CCDC47: variants seen among roughly 807,000 people sequenced by gnomAD.
The protein encoded by CCDC47 is PAT complex subunit CCDC47.
Under a neutral mutation model 60.5 loss-of-function variants are expected in CCDC47, and 41 were observed. The observed-to-expected ratio is 0.68, with a 90% CI of 0.53 to 0.88. The LOEUF (loss-of-function observed/expected upper bound fraction) is 0.88. CCDC47 is among the 40% of genes least tolerant of loss of function. The probability of loss-of-function intolerance (pLI) is 0.00; values close to 1 mark genes in which losing one functional copy is unlikely to be tolerated. For synonymous variants in CCDC47, 195 were observed against 190.7 expected (o/e 1.02, Z -0.18); for missense variants, 513 against 580.9 (o/e 0.88, Z 1.20).
intron 4 of CCDC47, chr17:63,761,876 G>T: frequency 2.4e-6 from 2 of 842,602 alleles, no homozygotes; most frequent in Non-Finnish European, 2.9e-6. Context: ...GAAGAAATAT[G>T]GATTCTAAGC....
intron 8 of CCDC47, chr17:63,755,205 G>A (rs1207863309): frequency 2.9e-6 from 2 of 692,720 alleles, no homozygotes; most frequent in East Asian, 2.7e-4. Flanking sequence ...GGACTCAAGT[G>A]ATTCTCCTGC....
chr17:63,766,021 T>C lies in CCDC47; in HGVS notation c.155A>G (p.Glu52Gly). The C allele has an allele frequency of 4.3e-6, 7 of 1,614,106 alleles. No individual in the cohort carries two copies. The highest frequency in any genetic ancestry group is 5.9e-6 in the Non-Finnish European group (7 of 1,179,994). The change falls in exon 2 of 13, where the codon GAA becomes GGA. Residue 52 changes from glutamate to glycine, a missense_variant. Coordinates refer to ENST00000225726, the MANE Select transcript of CCDC47 (RefSeq NM_020198.3). ...AGTGATTATGACCCGTTGAGGAGAT[T>C]CAGTAACAGAGTCTTCCATGACATC... Reference protein sequence around the residue: ...FEDVMEDSVTESPQRVIITED... With the variant: ...FEDVMEDSVTGSPQRVIITED...
intron 6 of CCDC47, 117 bp downstream of exon 6, chr17:63,760,797 C>T (rs1018118205): frequency 4.3e-6 from 3 of 694,630 alleles, no homozygotes; most frequent in Non-Finnish European, 7.3e-6. Flanking sequence ...CAAGATCATG[C>T]CATTGCACTC....
chr17:63,751,001 A>G (rs1441134358), intron 12 of CCDC47, among the ~76,000 whole-genome samples: 1 of 151,330 alleles, frequency 6.6e-6, no homozygotes, highest in African/African-American at 2.4e-5. Flanking sequence ...CAGTCTCCCA[A>G]GTAGTTGGGA....
At position 63,754,439 on chromosome 17, in the gene CCDC47, A is replaced by C. The variant is rs1334604996; in HGVS notation, c.1028T>G (p.Met343Arg). The change falls in exon 9 of 13, where the codon ATG (methionine) becomes AGG (arginine). Residue 343 changes from methionine to arginine, a missense_variant. By Grantham distance (91) the Met-to-Arg change is moderately conservative (BLOSUM62 -1). Coordinates refer to ENST00000225726, the MANE Select transcript of CCDC47 (RefSeq NM_020198.3). ...AATTTTATCTTATACGTACTCTTGCATAATTTTTGGACCAGAGAACTGGTC... is the reference window on the plus strand; with the variant it reads ...AATTTTATCTTATACGTACTCTTGCCTAATTTTTGGACCAGAGAACTGGTC... ...FSDQFSGPKI[M>R]QEEGQPLKLP... is the part of the protein sequence containing the mutation. 1 of 1,589,492 alleles carries C rather than the reference A, an allele frequency of 6.3e-7. No homozygotes were observed. The highest frequency in any genetic ancestry group is 8.6e-7 in the Non-Finnish European group (1 of 1,159,752).
chr17:63,769,946 T>C (rs2039324846), intron 1 of CCDC47, among the ~76,000 whole-genome samples: 1 of 142,572 alleles, frequency 7.0e-6, no homozygotes, highest in Non-Finnish European at 1.5e-5. Flanking sequence ...GGATATTTTG[T>C]CTTTATTTTT....
rs548285282 is a variant in CCDC47 at position 63,746,014 on chromosome 17, A to G, written c.*867T>C. 1 of 152,394 alleles carries G rather than the reference A, an allele frequency of 6.6e-6. No homozygotes were observed. The highest frequency in any genetic ancestry group is 1.9e-4 in the East Asian group (1 of 5,192). The allele number at this position is 152,394 out of a possible 1,614,324, so 9.4% of individuals were successfully genotyped here. A position where few individuals can be genotyped will look rare whatever the true frequency, so the allele number is the denominator to read the frequency against. On this transcript the variant is annotated 3_prime_UTR_variant, in exon 13 of 13. Transcript: ENST00000225726. ...GGCACACAGCCATAATATAGAGAAC[A>G]GAGCTTCTCCATGAACATCCACCAG...
chr17:63,752,741 C>A lies in CCDC47; in HGVS notation c.1093G>T (p.Val365Leu). 6.2e-7 allele frequency: 1 copy of A among 1,610,870 alleles called. No individual in the cohort carries two copies. The highest frequency in any genetic ancestry group is 1.1e-5 in the South Asian group (1 of 90,496). ...CCCAGAAAGGACCCAGAATACTTAC[C>A]ATTAAATGTAAACAACAGTGTCCTC... ...TKRTLLFTFN[V>L]PGSGNTYPKD... The change falls in exon 10 of 13, where the codon GTG becomes TTG. Residue 365 changes from valine to leucine, a missense_variant and splice_region_variant. Val to Leu is a conservative substitution (Grantham distance 32). Transcript: ENST00000225726.
At chr17:63,768,947 G>A (rs139005866) in intron 1 of CCDC47, among the ~76,000 whole-genome samples, 23 of 152,082 alleles carry the variant, frequency 1.5e-4, no homozygotes, top group Non-Finnish European at 2.8e-4. Flanking sequence ...ATTAGCCAGC[G>A]TGTGGCGTGA....
At chr17:63,772,093 T>C (rs764486869) in intron 1 of CCDC47, among the ~76,000 whole-genome samples, 31 of 151,722 alleles carry the variant, frequency 2.0e-4, no homozygotes, top group Non-Finnish European at 4.0e-4. Context: ...AAAAAATAGA[T>C]AAATAATAAA....
chr17:63,754,014 G>A (rs533174130), intron 9 of CCDC47, among the ~76,000 whole-genome samples: 83 of 152,296 alleles, frequency 5.4e-4, no homozygotes, highest in African/African-American at 1.9e-3. Context: ...GCTGAGACAG[G>A]AGAATTGCTT....
rs529652016 is a variant in CCDC47, at chr17:63,761,996, T to C, written c.548-645A>G. 5 of 840,074 alleles carry C rather than the reference T, an allele frequency of 6.0e-6. No individual in the cohort carries two copies. In the East Asian group the frequency reaches 6.1e-4, roughly 103 times the overall value. The allele number at this position is 840,074 out of a possible 1,614,324, so 52.0% of individuals were successfully genotyped here. A position where few individuals can be genotyped will look rare whatever the true frequency, so the allele number is the denominator to read the frequency against. ...ATCTCTGCCAAAAGTTAAAAACTCCTATGGAGTGAATAAAAAATACCATTA... is the reference window on the plus strand; with the variant it reads ...ATCTCTGCCAAAAGTTAAAAACTCCCATGGAGTGAATAAAAAATACCATTA... On this transcript the variant is annotated intron_variant, in intron 4 of 12. Transcript: ENST00000225726.
Position 63,755,422 on chromosome 17 carries a change from C to T in CCDC47, c.948+818G>A, listed in dbSNP as rs917250040. ...ATCACTTGAGGCCAGGAATTCCAGA[C>T]CAGCCTGGCCAACACAGCGAAACCC... On this transcript the variant is annotated intron_variant, in intron 8 of 12. Coordinates refer to ENST00000225726, the MANE Select transcript of CCDC47 (RefSeq NM_020198.3). 1.4e-5 allele frequency: 3 copies of T among 212,798 alleles called. No individual in the cohort carries two copies. The Admixed American group carries it at 2.1e-4, about 15-fold the overall frequency. The allele number at this position is 212,798 out of a possible 1,614,324, so 13.2% of individuals were successfully genotyped here. A position where few individuals can be genotyped will look rare whatever the true frequency, so the allele number is the denominator to read the frequency against.
At chr17:63,766,878 T>A in intron 1 of CCDC47, 1 of 979,936 alleles carries the variant, frequency 1.0e-6, no homozygotes, top group Non-Finnish European at 1.2e-6. Context: ...TATTTATCTG[T>A]TAGTGGTAAC....
In CCDC47 at chr17:63,764,867, T is replaced by A. The variant is rs2039286049; in HGVS notation, c.265-20A>T. On this transcript the variant is annotated intron_variant, in intron 2 of 12. Coordinates refer to ENST00000225726, the MANE Select transcript of CCDC47 (RefSeq NM_020198.3). The stretch of plus-strand genomic sequence containing the variant: ...TCCCTCCTACAAAAATGAGGCATCA[T>A]CCGTTTTCCTCTACAAATGTCACCA... 1.9e-6 allele frequency: 3 copies of A among 1,603,780 alleles called. No individual in the cohort carries two copies. Among genetic ancestry groups the A allele is most frequent in the African/African-American group, 2.7e-5 (2 of 74,318 alleles).
chr17:63,752,246 T>C (rs919285705), intron 11 of CCDC47, 74 bp downstream of exon 11: 71 of 1,411,138 alleles, frequency 5.0e-5, no homozygotes, highest in Non-Finnish European at 7.0e-5. Context: ...ACTGAAATCA[T>C]TGATAGCTGC....
chr17:63,765,754 G>C, intron 2 of CCDC47, 158 bp downstream of exon 2: 2 of 1,401,852 alleles, frequency 1.4e-6, no homozygotes, highest in Admixed American at 5.6e-5. Flanking sequence ...AATGTAAAAG[G>C]TGGAAACTTA....
At chr17:63,765,157 G>A (rs539877514) in intron 2 of CCDC47, 2 of 119,658 alleles carry the variant, frequency 1.7e-5, no homozygotes, top group East Asian at 5.5e-4. Context: ...CACACACACG[G>A]AGGCAACTAT....
chr17:63,767,889 T>G (rs974723884), intron 1 of CCDC47, among the ~76,000 whole-genome samples: 1 of 152,298 alleles, frequency 6.6e-6, no homozygotes, highest in East Asian at 1.9e-4. Flanking sequence ...GAACAAGATA[T>G]CTAATGTTTT....
Sources: gnomAD v4.1 joint callset for allele counts (sites outside exome capture counted in the v4.1 genomes callset) on GRCh38, gnomAD v4.1.1 for gene constraint, MANE v1.5 for transcripts, NCBI Gene and HGNC (gene_info 2026-07-23, HGNC 2026-07-21) for gene names.